Variants in PLCG2 observed in about 807,000 individuals in gnomAD.
The protein encoded by PLCG2 is 1-phosphatidylinositol 4,5-bisphosphate phosphodiesterase gamma-2.
Under a neutral mutation model 175.6 loss-of-function variants are expected in PLCG2, and 69 were observed. That is an observed-to-expected ratio of 0.39 (90% CI 0.32 to 0.48). The LOEUF is 0.48. PLCG2 is among the 20% of genes least tolerant of loss of function. The pLI, the probability that PLCG2 is intolerant of heterozygous loss-of-function variation, is 0.91. For synonymous variants in PLCG2, 827 were observed against 624.0 expected, an observed-to-expected ratio of 1.33 and a Z score of -4.85; for missense variants, 1,798 against 1,650.9, an observed-to-expected ratio of 1.09 and a Z score of -1.54.
Position 81,912,699 on chromosome 16 carries a change from C to T in PLCG2, c.2037C>T (p.Ser679=). 6.2e-7 allele frequency: 1 copy of T among 1,609,092 alleles called. No individual in the cohort carries two copies. Among genetic ancestry groups the T allele is most frequent in the East Asian group, 2.2e-5 (1 of 44,802 alleles). The change falls in exon 19 of 33, where the codon TCC becomes TCT. Residue 679 remains serine, a synonymous_variant. Coordinates refer to ENST00000564138, the MANE Select transcript of PLCG2 (RefSeq NM_002661.5). ...FLIRKREGSD[S]YAITFRARGK... ...TCCGGAAGCGAGAGGGGAGCGACTC[C>T]TATGCCATCACCTTCAGGTGGGTGC... is the stretch of plus-strand genomic sequence containing the variant.
intron 2 of PLCG2, among the ~76,000 whole-genome samples, chr16:81,851,100 T>C (rs1197007145): frequency 6.6e-6 from 1 of 152,160 alleles, no homozygotes; most frequent in African/African-American, 2.4e-5. Context: ...TCCCTAATAC[T>C]CTACCCCACA....
At chr16:81,805,889 C>G (rs546847553) in intron 2 of PLCG2, among the ~76,000 whole-genome samples, 81 of 149,606 alleles carry the variant, frequency 5.4e-4, no homozygotes, top group Non-Finnish European at 1.1e-3. Context: ...ATCCTCCCAG[C>G]TCAGCCTCCT....
intron 2 of PLCG2, among the ~76,000 whole-genome samples, chr16:81,851,147 C>A (rs72832075): frequency 0.011 from 1,644 of 152,252 alleles, 16 homozygotes; most frequent in Non-Finnish European, 0.016. Flanking sequence ...AATAGGGCCA[C>A]CCATAATTGA....
intron 8 of PLCG2, 97 bp downstream of exon 8, chr16:81,881,050 C>T (rs1908055189): frequency 5.6e-6 from 7 of 1,244,820 alleles, no homozygotes; most frequent in East Asian, 2.3e-5. Context: ...TGTGTGCAGG[C>T]GCTGACCTCC....
chr16:81,943,862 G>C (rs1911050855), intron 30 of PLCG2, among the ~76,000 whole-genome samples: 1 of 152,134 alleles, frequency 6.6e-6, no homozygotes, highest in Admixed American at 6.5e-5. Context: ...CAGGAAATGA[G>C]TGGGTATAAA....
chr16:81,894,312 C>T (rs756603887), intron 12 of PLCG2, among the ~76,000 whole-genome samples: 1 of 152,144 alleles, frequency 6.6e-6, no homozygotes, highest in Non-Finnish European at 1.5e-5. Flanking sequence ...GCCTGTGGTC[C>T]CAACAACTTG....
intron 19 of PLCG2, among the ~76,000 whole-genome samples, chr16:81,919,264 C>T (rs1380555065): frequency 6.6e-6 from 1 of 152,172 alleles, no homozygotes; most frequent in Admixed American, 6.5e-5. Context: ...GTCACTCGGC[C>T]ATATTTCTTC....
At chr16:81,895,025 C>G (rs1289488587) in intron 12 of PLCG2, among the ~76,000 whole-genome samples, 2 of 151,754 alleles carry the variant, frequency 1.3e-5, no homozygotes, top group East Asian at 1.9e-4. Flanking sequence ...TTTCTCCTCC[C>G]TCAGGAAAAA....
chr16:81,877,924 C>G lies in PLCG2; in HGVS notation c.649-2986C>G, dbSNP rs78518082. Among the ~76,000 whole-genome samples, 258 of 149,882 alleles carry G rather than the reference C, an allele frequency of 1.7e-3. 3 individuals carry two copies. The highest frequency in any genetic ancestry group is 5.9e-3 in the African/African-American group (241 of 40,548). ...TCTGCCTCCATCATCACATGGACCC[C>G]TTTTCTCTGTGTGCTTCTCTGTCTC... On this transcript the variant is annotated intron_variant, in intron 7 of 32. Coordinates refer to ENST00000564138, the MANE Select transcript of PLCG2 (RefSeq NM_002661.5).
At chr16:81,757,940 A>G (rs1038336867) in intron 2 of PLCG2, among the ~76,000 whole-genome samples, 1 of 151,790 alleles carries the variant, frequency 6.6e-6, no homozygotes, top group South Asian at 2.1e-4. Flanking sequence ...GGCTTCTTTC[A>G]CTTAGCATCA....
intron 9 of PLCG2, among the ~76,000 whole-genome samples, chr16:81,885,208 G>C (rs892662658): frequency 6.6e-6 from 1 of 152,168 alleles, no homozygotes; most frequent in Non-Finnish European, 1.5e-5. Context: ...ATTTTTAATA[G>C]AGTCGGGGTT....
chr16:81,884,252 G>C (rs1342415794), intron 9 of PLCG2, among the ~76,000 whole-genome samples: 1 of 152,186 alleles, frequency 6.6e-6, no homozygotes, highest in Non-Finnish European at 1.5e-5. Flanking sequence ...CTGGGAGGCT[G>C]AGGCAGGAGA....
intron 2 of PLCG2, among the ~76,000 whole-genome samples, chr16:81,791,546 G>C (rs961751161): frequency 9.2e-5 from 14 of 152,176 alleles, no homozygotes; most frequent in Non-Finnish European, 2.1e-4. Context: ...ATGGCTGGAA[G>C]ACTGAGCTTA....
At chr16:81,805,447 A>G (rs1193167393) in intron 2 of PLCG2, among the ~76,000 whole-genome samples, 3 of 148,362 alleles carry the variant, frequency 2.0e-5, no homozygotes, top group African/African-American at 4.9e-5. Flanking sequence ...TGCAGTGAGC[A>G]GAGATTGCAC....
chr16:81,882,627 C>T (rs1403505726), intron 8 of PLCG2, among the ~76,000 whole-genome samples: 2 of 152,092 alleles, frequency 1.3e-5, no homozygotes, highest in Non-Finnish European at 2.9e-5. Context: ...GCCTGCGTTC[C>T]CTCGCTCCTA....
chr16:81,938,595 C>G, intron 28 of PLCG2: 2 of 571,742 alleles, frequency 3.5e-6, no homozygotes, highest in South Asian at 4.5e-5. Context: ...GGGCCGAGAC[C>G]CAGGCTGATG....
At chr16:81,815,949 C>G (rs979657079) in intron 2 of PLCG2, among the ~76,000 whole-genome samples, 3 of 151,852 alleles carry the variant, frequency 2.0e-5, no homozygotes, top group African/African-American at 7.3e-5. Context: ...GTAATCCTGG[C>G]TACTCAGGAG....
intron 2 of PLCG2, among the ~76,000 whole-genome samples, chr16:81,833,440 C>T (rs1360735611): frequency 1.3e-5 from 2 of 151,556 alleles, no homozygotes; most frequent in Non-Finnish European, 2.9e-5. Flanking sequence ...GGAGGAGGCA[C>T]CTGGAAGCCC....
upstream of PLCG2, among the ~76,000 whole-genome samples, chr16:81,777,731 A>C (rs1174330733): frequency 6.6e-6 from 1 of 152,020 alleles, no homozygotes; most frequent in East Asian, 1.9e-4. Flanking sequence ...AAACGCTATA[A>C]CAGGCCGGGT....
Sources: gnomAD v4.1 joint callset for allele counts (sites outside exome capture counted in the v4.1 genomes callset) on GRCh38, gnomAD v4.1.1 for gene constraint, MANE v1.5 for transcripts, NCBI Gene and HGNC (gene_info 2026-07-23, HGNC 2026-07-21) for gene names.